WDR41: variants seen among roughly 807,000 people sequenced by gnomAD.
The protein encoded by WDR41 is WD repeat domain 41.
In WDR41, 63 loss-of-function variants were observed where a neutral mutation model predicts 69.3. The ratio of observed to expected loss-of-function variants is 0.91; its 90% CI spans 0.74 to 1.12. The LOEUF (loss-of-function observed/expected upper bound fraction) is 1.12, where lower values mean the gene tolerates loss of function less well. WDR41 is among the 50% of genes most tolerant of loss of function. WDR41 has a pLI of 0.00. For synonymous variants in WDR41, 185 were observed against 192.1 expected (o/e 0.96, Z 0.31); for missense variants, 543 against 534.5 (o/e 1.02, Z -0.16).
At chr5:77,556,924 G>A (rs1322883918) in intron 1 of WDR41, among the ~76,000 whole-genome samples, 1 of 152,128 alleles carries the variant, frequency 6.6e-6, no homozygotes, top group East Asian at 1.9e-4. Flanking sequence ...TTGGCACCAA[G>A]GGAGGGGGCA....
At position 77,548,606 on chromosome 5, in the gene WDR41, A is replaced by G. The variant is rs374231069; in HGVS notation, c.43-59034T>C. Among the ~76,000 whole-genome samples, 52 of 152,338 alleles carry G rather than the reference A, an allele frequency of 3.4e-4. No individual in the cohort carries two copies. In the East Asian group the frequency reaches 9.6e-3, roughly 28 times the overall value. On this transcript the variant is annotated intron_variant, in intron 1 of 5. Transcript: ENST00000509971. The stretch of plus-strand genomic sequence containing the variant: ...CCATCTTACTTCTGCTAGAATGGCC[A>G]TAATCAAAGAATCAAAAAATAGTAG...
intron 1 of WDR41, among the ~76,000 whole-genome samples, chr5:77,608,219 G>A (rs993424103): frequency 2.0e-5 from 3 of 152,162 alleles, no homozygotes; most frequent in Admixed American, 1.3e-4. Flanking sequence ...ATGTCCTCAA[G>A]GTTCATCTAT....
At chr5:77,470,607 A>C (rs1459724588) in intron 2 of WDR41, among the ~76,000 whole-genome samples, 1 of 152,156 alleles carries the variant, frequency 6.6e-6, no homozygotes, top group Non-Finnish European at 1.5e-5. Flanking sequence ...ATGGAAAACA[A>C]AAAAAGGCAG....
chr5:77,564,230 C>T (rs1743575401), intron 1 of WDR41, among the ~76,000 whole-genome samples: 1 of 152,116 alleles, frequency 6.6e-6, no homozygotes, highest in Non-Finnish European at 1.5e-5. Context: ...ACCGGAACCA[C>T]TGAATAACTG....
rs987590992 is a variant in WDR41, at chr5:77,433,062, A to T, written c.*73T>A. On this transcript the variant is annotated 3_prime_UTR_variant, in exon 13 of 13. Coordinates refer to ENST00000296679, the MANE Select transcript of WDR41 (RefSeq NM_018268.4). The stretch of plus-strand genomic sequence containing the variant: ...AATTACCAATTTAAGTGATCAATAT[A>T]TTAATGGTTTTCAGAGTAGTACCCG... The T allele has an allele frequency of 6.8e-7, 1 of 1,460,340 alleles. No individual in the cohort carries two copies. Among genetic ancestry groups the T allele is most frequent in the Non-Finnish European group, 9.1e-7 (1 of 1,094,952 alleles). 90.5% of individuals were successfully genotyped at this position (1,460,340 alleles called of 1,614,324 possible). A position where few individuals can be genotyped will look rare whatever the true frequency, so the allele number is the denominator to read the frequency against.
intron 1 of WDR41, among the ~76,000 whole-genome samples, chr5:77,523,888 A>G (rs1203521432): frequency 2.0e-5 from 3 of 152,230 alleles, no homozygotes; most frequent in Non-Finnish European, 4.4e-5. Flanking sequence ...ACTTGAATGA[A>G]CTAAGAGGAT....
At chr5:77,559,205 C>T (rs999701593) in intron 1 of WDR41, among the ~76,000 whole-genome samples, 7 of 152,174 alleles carry the variant, frequency 4.6e-5, no homozygotes. Flanking sequence ...TAAACACTCC[C>T]ACTGTGGCCA....
intron 1 of WDR41, among the ~76,000 whole-genome samples, chr5:77,498,371 A>G (rs1488894750): frequency 1.3e-5 from 2 of 152,196 alleles, no homozygotes; most frequent in African/African-American, 4.8e-5. Context: ...AGTGTAGAAA[A>G]GACTATTGAA....
intron 1 of WDR41, among the ~76,000 whole-genome samples, chr5:77,533,617 T>C (rs1742905530): frequency 6.6e-6 from 1 of 152,142 alleles, no homozygotes; most frequent in African/African-American, 2.4e-5. Context: ...ATGGAGGGAC[T>C]GAAGGGATAG....
chr5:77,501,102 C>T (rs540491562), intron 1 of WDR41, among the ~76,000 whole-genome samples: 5 of 152,340 alleles, frequency 3.3e-5, no homozygotes, highest in Admixed American at 3.3e-4. Context: ...CAAGGGGTTG[C>T]AGGATTTCTG....
At chr5:77,501,548 C>A (rs1268743154) in intron 1 of WDR41, among the ~76,000 whole-genome samples, 1 of 152,216 alleles carries the variant, frequency 6.6e-6, no homozygotes, top group Non-Finnish European at 1.5e-5. Flanking sequence ...AGCGTTTGAG[C>A]TCTGAGAACA....
chr5:77,461,673 T>TA (rs1228004294), intron 4 of WDR41, among the ~76,000 whole-genome samples: 1 of 152,036 alleles, frequency 6.6e-6, no homozygotes, highest in Non-Finnish European at 1.5e-5. Context: ...CCGTCTCTAC[T>TA]AAAAATACAA....
At chr5:77,613,370 CA>C (rs1296084215) in intron 1 of WDR41, among the ~76,000 whole-genome samples, 2 of 152,146 alleles carry the variant, frequency 1.3e-5, no homozygotes, top group Non-Finnish European at 2.9e-5. Context: ...AAGCTGGAGG[CA>C]TCATGCTACC....
chr5:77,493,683 C>G (rs1394603863), upstream of WDR41, among the ~76,000 whole-genome samples: 1 of 152,166 alleles, frequency 6.6e-6, no homozygotes, highest in Non-Finnish European at 1.5e-5. Flanking sequence ...GAGACTATCC[C>G]CTGGGAAAGA....
At chr5:77,602,340 A>G (rs1744338359) in intron 1 of WDR41, among the ~76,000 whole-genome samples, 1 of 152,034 alleles carries the variant, frequency 6.6e-6, no homozygotes. Flanking sequence ...GGGTTTCTCT[A>G]TGCTGGTCAG....
At chr5:77,567,775 A>T (rs1743660866) in intron 1 of WDR41, among the ~76,000 whole-genome samples, 1 of 151,906 alleles carries the variant, frequency 6.6e-6, no homozygotes, top group African/African-American at 2.4e-5. Context: ...AGTCTGACTT[A>T]ATAGGTTTGG....
chr5:77,551,649 G>A (rs779447952), intron 1 of WDR41, among the ~76,000 whole-genome samples: 5 of 151,832 alleles, frequency 3.3e-5, no homozygotes, highest in African/African-American at 1.2e-4. Context: ...CTGCACTCCA[G>A]CCTGGGTGAC....
chr5:77,522,715 G>A (rs1358325096), intron 1 of WDR41, among the ~76,000 whole-genome samples: 1 of 152,052 alleles, frequency 6.6e-6, no homozygotes, highest in Admixed American at 6.6e-5. Context: ...CATCATAAAA[G>A]CCAAGATAAG....
At chr5:77,557,007 T>C (rs1434159502) in intron 1 of WDR41, among the ~76,000 whole-genome samples, 2 of 152,092 alleles carry the variant, frequency 1.3e-5, no homozygotes, top group Non-Finnish European at 2.9e-5. Flanking sequence ...CTGAAAGCTG[T>C]TGGTAGTCAA....
Sources: gnomAD v4.1 joint callset for allele counts (sites outside exome capture counted in the v4.1 genomes callset) on GRCh38, gnomAD v4.1.1 for gene constraint, MANE v1.5 for transcripts, NCBI Gene and HGNC (gene_info 2026-07-23, HGNC 2026-07-21) for gene names.